Variants in SDK2 observed in about 807,000 individuals in gnomAD.
SDK2 encodes protein sidekick-2.
A neutral mutation model predicts 253.9 loss-of-function variants in SDK2; 105 were observed. That is an observed-to-expected ratio of 0.41 (90% CI 0.35 to 0.49). SDK2 has a LOEUF of 0.49. Ranked by LOEUF, SDK2 falls within the 20% of genes least tolerant of loss-of-function variation. The pLI, the probability that SDK2 is intolerant of heterozygous loss-of-function variation, is 0.06. For synonymous variants in SDK2, 1,249 were observed against 1,234.9 expected (o/e 1.01, Z -0.24); for missense variants, 2,608 against 3,003.0 (o/e 0.87, Z 3.07).
At position 73,438,274 on chromosome 17, in the gene SDK2, T is replaced by G. The variant is rs533280412; in HGVS notation, c.726-120A>C. 4.3e-4 allele frequency: 367 copies of G among 845,886 alleles called. 4 individuals carry two copies. In the South Asian group the frequency reaches 6.4e-3, roughly 15 times the overall value. The allele number at this position is 845,886 out of a possible 1,614,324, so 52.4% of individuals were successfully genotyped here. On this transcript the variant is annotated intron_variant, in intron 6 of 44. Transcript: ENST00000392650. Reference sequence around the variant, plus strand: ...GCCGGGCTGCCTGGGTTTGCCACCTTCCTGCCACTTTGTAGATGCAAGATC... The same window carrying G: ...GCCGGGCTGCCTGGGTTTGCCACCTGCCTGCCACTTTGTAGATGCAAGATC...
intron 1 of SDK2, among the ~76,000 whole-genome samples, chr17:73,591,543 C>A (rs2045682098): frequency 6.6e-6 from 1 of 152,144 alleles, no homozygotes; most frequent in Non-Finnish European, 1.5e-5. Context: ...TTGGGGTTTG[C>A]AACAGTGCAA....
At position 73,379,087 on chromosome 17, in the gene SDK2, C is replaced by T; in HGVS notation, c.4980+90G>A. The T allele has an allele frequency of 1.1e-6, 1 of 940,622 alleles. No homozygotes were observed. Among genetic ancestry groups the T allele is most frequent in the Non-Finnish European group, 1.6e-6 (1 of 608,458 alleles). The allele number at this position is 940,622 out of a possible 1,614,324, so 58.3% of individuals were successfully genotyped here. A position where few individuals can be genotyped will look rare whatever the true frequency, so the allele number is the denominator to read the frequency against. ...GCTGGATGAATGGAGGGCCTGGGGACCTGCCTGCCTCCCACATATCACTCA... is the reference window on the plus strand; with the variant it reads ...GCTGGATGAATGGAGGGCCTGGGGATCTGCCTGCCTCCCACATATCACTCA... On this transcript the variant is annotated intron_variant, in intron 36 of 44. Transcript: ENST00000392650. The surrounding 1 kb of genome is among the most constrained non-coding windows in gnomAD (Gnocchi z 4.5).
chr17:73,479,260 A>T lies in SDK2; in HGVS notation c.225-7042T>A, dbSNP rs528327521. On this transcript the variant is annotated intron_variant, in intron 2 of 44. Transcript: ENST00000392650. Reference sequence around the variant, plus strand: ...ACAGCAGTGGGCCACTGAGCTCGGGAACCCAGATTTCCTTCCCTCTCCCCA... The same window carrying T: ...ACAGCAGTGGGCCACTGAGCTCGGGTACCCAGATTTCCTTCCCTCTCCCCA... Among the ~76,000 whole-genome samples the T allele has an allele frequency of 2.0e-5, 3 of 152,336 alleles. No individual in the cohort carries two copies. In the East Asian group the frequency reaches 5.8e-4, roughly 29 times the overall value.
intron 18 of SDK2, among the ~76,000 whole-genome samples, chr17:73,403,877 G>A (rs893023751): frequency 6.6e-6 from 1 of 152,172 alleles, no homozygotes; most frequent in Non-Finnish European, 1.5e-5. Flanking sequence ...CTTCTTTGGA[G>A]TAGATTAAGA....
intron 2 of SDK2, among the ~76,000 whole-genome samples, chr17:73,488,723 G>A (rs1001687588): frequency 1.4e-4 from 21 of 152,086 alleles, no homozygotes; most frequent in Non-Finnish European, 2.6e-4. Context: ...AGTGCCATAA[G>A]TATTATAGTA....
At chr17:73,438,795 C>T (rs946949394) in intron 6 of SDK2, among the ~76,000 whole-genome samples, 6 of 151,998 alleles carry the variant, frequency 3.9e-5, no homozygotes, top group Non-Finnish European at 7.4e-5. Flanking sequence ...CTGGTGGGTC[C>T]CTGAGGACGG....
chr17:73,434,594 G>A (rs1356780060), intron 9 of SDK2, among the ~76,000 whole-genome samples: 1 of 152,170 alleles, frequency 6.6e-6, no homozygotes, highest in African/African-American at 2.4e-5. Context: ...CCAGTGCTTT[G>A]CATTTACACA....
intron 1 of SDK2, among the ~76,000 whole-genome samples, chr17:73,546,115 T>G (rs1599667140): frequency 1.3e-5 from 2 of 149,348 alleles, no homozygotes; most frequent in African/African-American, 2.5e-5. Context: ...GGGCGGGGGG[T>G]GAGGAGAGGC....
intron 1 of SDK2, among the ~76,000 whole-genome samples, chr17:73,513,398 A>G (rs1482833699): frequency 6.6e-6 from 1 of 152,346 alleles, no homozygotes; most frequent in South Asian, 2.1e-4. Flanking sequence ...CTAAAATTCA[A>G]TAAGATACCA....
chr17:73,582,058 C>T (rs1366988643), intron 1 of SDK2, among the ~76,000 whole-genome samples: 1 of 152,200 alleles, frequency 6.6e-6, no homozygotes, highest in African/African-American at 2.4e-5. Flanking sequence ...CTTGGTGCCC[C>T]ACTTTGGGCT....
rs1266623945 is a variant in SDK2 at position 73,616,218 on chromosome 17, A to T, written c.64+27807T>A. Among the ~76,000 whole-genome samples the T allele has an allele frequency of 6.6e-6, 1 of 152,098 alleles. No individual in the cohort carries two copies. Among genetic ancestry groups the T allele is most frequent in the African/African-American group, 2.4e-5 (1 of 41,408 alleles). On this transcript the variant is annotated intron_variant, in intron 1 of 44. Coordinates refer to ENST00000392650, the MANE Select transcript of SDK2 (RefSeq NM_001144952.2). This position sits in a 1 kb window ranked among gnomAD's most constrained non-coding sequence, Gnocchi z 5.2. ...CTACCTTGCAAACTGACCTCAGGGC[A>T]CTGTGAACCTTGTGCTCGGCAGCCC...
chr17:73,544,370 C>G (rs971621760), intron 1 of SDK2, among the ~76,000 whole-genome samples: 12 of 152,198 alleles, frequency 7.9e-5, no homozygotes, highest in Non-Finnish European at 1.5e-5. Flanking sequence ...TGTCTCCCCA[C>G]CCGCACTGAG....
At chr17:73,624,219 C>T (rs1599734328) in intron 1 of SDK2, among the ~76,000 whole-genome samples, 1 of 152,234 alleles carries the variant, frequency 6.6e-6, no homozygotes, top group African/African-American at 2.4e-5. Context: ...TTGGGCTGGG[C>T]GTGGTAGCTC....
intron 1 of SDK2, chr17:73,641,018 G>C (rs1222407649): frequency 6.6e-6 from 1 of 152,262 alleles, no homozygotes; most frequent in Non-Finnish European, 1.5e-5. Flanking sequence ...GTGTCTGGGA[G>C]CGGAGCCCAA....
intron 44 of SDK2, among the ~76,000 whole-genome samples, chr17:73,339,636 C>T (rs1427539166): frequency 2.0e-5 from 3 of 151,372 alleles, no homozygotes; most frequent in Non-Finnish European, 4.4e-5. Context: ...TCTCTGTAGC[C>T]TCAACCTCCT....
intron 2 of SDK2, among the ~76,000 whole-genome samples, chr17:73,488,293 G>A (rs2063782711): frequency 6.6e-6 from 1 of 152,224 alleles, no homozygotes; most frequent in African/African-American, 2.4e-5. Flanking sequence ...TGGGATTACA[G>A]GCATGAGCCA....
chr17:73,474,917 T>C (rs1332318185), intron 2 of SDK2, among the ~76,000 whole-genome samples: 1 of 152,132 alleles, frequency 6.6e-6, no homozygotes, highest in African/African-American at 2.4e-5. Context: ...ACTTCCGTCA[T>C]AGTGAAAGAA....
chr17:73,440,369 G>C (rs2063405326), intron 6 of SDK2, among the ~76,000 whole-genome samples: 1 of 152,050 alleles, frequency 6.6e-6, no homozygotes, highest in Non-Finnish European at 1.5e-5. Context: ...GCCTCCCAAA[G>C]TGCTGGGATT....
At chr17:73,597,491 G>C (rs1298773258) in intron 1 of SDK2, among the ~76,000 whole-genome samples, 3 of 152,132 alleles carry the variant, frequency 2.0e-5, no homozygotes, top group Non-Finnish European at 4.4e-5. Flanking sequence ...TGGGCTCGTG[G>C]GAGACACACA....
Sources: allele counts gnomAD v4.1 joint callset (sites outside exome capture counted in the v4.1 genomes callset), GRCh38; gene constraint gnomAD v4.1.1; non-coding constraint Gnocchi (gnomAD v3.1); transcripts MANE v1.5; gene names NCBI Gene and HGNC (gene_info 2026-07-23, HGNC 2026-07-21).